The following NRF1 variants were observed in gnomAD, a reference collection of about 807,000 sequenced individuals.
NRF1 encodes alpha palindromic-binding protein.
NRF1 carries 5 observed loss-of-function variants against 58.5 expected under a neutral mutation model. That is an observed-to-expected ratio of 0.09 (90% confidence interval 0.04 to 0.18). The LOEUF is 0.18. NRF1 is among the 10% of genes least tolerant of loss of function. The pLI is 1.00. For synonymous variants in NRF1, 224 were observed against 246.7 expected, an observed-to-expected ratio of 0.91 and a Z score of 0.86; for missense variants, 288 against 657.7, an observed-to-expected ratio of 0.44 and a Z score of 6.15.
chr7:129,709,360 A>G, intron 6 of NRF1, 127 bp downstream of exon 6: 1 of 678,136 alleles, frequency 1.5e-6, no homozygotes, highest in Non-Finnish European at 2.2e-6. Context: ...CCCTCCAAAG[A>G]CTGATATTCT....
chr7:129,717,295 C>T lies in NRF1; in HGVS notation c.1142C>T (p.Ala381Val), dbSNP rs774023509. 2.5e-6 allele frequency: 4 copies of T among 1,613,840 alleles called. No individual in the cohort carries two copies. Among genetic ancestry groups the T allele is most frequent in the South Asian group, 1.1e-5 (1 of 91,052 alleles). The change falls in exon 9 of 11, where the codon GCG (alanine) becomes GTG (valine). Residue 381 changes from alanine to valine, a missense_variant. This residue lies in a region of NRF1 where 212 missense variants were observed against 559.7 expected (regional missense o/e 0.38). Coordinates refer to ENST00000393232, the MANE Select transcript of NRF1 (RefSeq NM_005011.5). ...ACGCAAGCATCAGAGGCCACCCAGG[C>T]GGTGGCATCGTTGGCAGAGGCCGCA... Reference protein sequence around the residue: ...QTTQASEATQAVASLAEAAVA... With the variant: ...QTTQASEATQVVASLAEAAVA...
At chr7:129,637,577 G>C (rs1263033429) in intron 1 of NRF1, among the ~76,000 whole-genome samples, 1 of 152,084 alleles carries the variant, frequency 6.6e-6, no homozygotes, top group East Asian at 1.9e-4. Context: ...ATTCTTAATA[G>C]TTTTAGTATA....
chr7:129,619,396 G>GTATATATATATATA (rs749333673), intron 1 of NRF1, among the ~76,000 whole-genome samples: 41 of 47,356 alleles, frequency 8.7e-4, no homozygotes, highest in Non-Finnish European at 1.1e-3. Flanking sequence ...TGGCATACGT[G>GTATATATATATATA]TATATATATA....
Position 129,740,353 on chromosome 7 carries a change from G to A in NRF1, c.1348+12988G>A, listed in dbSNP as rs1260645738. 1.9e-4 allele frequency among the ~76,000 whole-genome samples: 29 copies of A among 152,184 alleles called. 1 individual carries two copies. The highest frequency in any genetic ancestry group is 1.9e-3 in the Admixed American group (29 of 15,280). The stretch of plus-strand genomic sequence containing the variant: ...TAATGATTAATCACTCACACCGAAT[G>A]GGAAGGGAAGTAACCTTCAGAGGTT... On this transcript the variant is annotated intron_variant, in intron 10 of 10. Coordinates refer to ENST00000393232, the MANE Select transcript of NRF1 (RefSeq NM_005011.5).
chr7:129,705,353 C>T (rs564807364), intron 5 of NRF1, among the ~76,000 whole-genome samples: 5 of 152,106 alleles, frequency 3.3e-5, no homozygotes, highest in African/African-American at 9.6e-5. Context: ...TGTAGTTGAG[C>T]GATCGTAGCT....
intron 1 of NRF1, among the ~76,000 whole-genome samples, chr7:129,644,254 A>G (rs1194662847): frequency 5.9e-5 from 9 of 152,236 alleles, no homozygotes; most frequent in Non-Finnish European, 1.3e-4. Context: ...TGTTTCAGTA[A>G]AGAAACATAG....
At chr7:129,638,133 G>A (rs1801210606) in intron 1 of NRF1, among the ~76,000 whole-genome samples, 1 of 151,454 alleles carries the variant, frequency 6.6e-6, no homozygotes. Flanking sequence ...CTCTTTTTGG[G>A]GGTTGTGATA....
chr7:129,673,801 C>G (rs1035338103), intron 3 of NRF1, among the ~76,000 whole-genome samples: 1 of 151,014 alleles, frequency 6.6e-6, no homozygotes, highest in Non-Finnish European at 1.5e-5. Context: ...AACAAACCTG[C>G]ACATGTATCC....
At chr7:129,625,655 C>G (rs1325150258) in intron 1 of NRF1, among the ~76,000 whole-genome samples, 2 of 149,690 alleles carry the variant, frequency 1.3e-5, no homozygotes. Context: ...CATGTGCCAC[C>G]ATGCCCGGCT....
chr7:129,725,052 A>G (rs538563114), intron 9 of NRF1, among the ~76,000 whole-genome samples: 2 of 152,194 alleles, frequency 1.3e-5, no homozygotes, highest in Non-Finnish European at 2.9e-5. Flanking sequence ...CTCTAAAAAA[A>G]TAAAAACAAA....
At chr7:129,635,984 CTATT>C (rs1347082977) in intron 1 of NRF1, among the ~76,000 whole-genome samples, 2 of 152,046 alleles carry the variant, frequency 1.3e-5, no homozygotes, top group African/African-American at 4.8e-5. Context: ...ATTTTTCTAA[CTATT>C]CATTAATTAA....
chr7:129,744,077 G>A (rs1243953445), intron 10 of NRF1: 1 of 1,135,114 alleles, frequency 8.8e-7, no homozygotes, highest in Non-Finnish European at 1.2e-6. Context: ...CACCAGATGT[G>A]CATGGGAGGC....
chr7:129,624,331 G>T (rs535608167), intron 1 of NRF1, among the ~76,000 whole-genome samples: 3 of 152,110 alleles, frequency 2.0e-5, no homozygotes, highest in African/African-American at 7.2e-5. Context: ...TGTAAGCTTC[G>T]TGAGAGTAGA....
intron 1 of NRF1, among the ~76,000 whole-genome samples, chr7:129,647,142 A>T (rs573100625): frequency 6.2e-4 from 94 of 151,982 alleles, no homozygotes; most frequent in African/African-American, 2.2e-3. Flanking sequence ...GGTTCAAGCA[A>T]TTCTCCTGCC....
Position 129,710,440 on chromosome 7 carries a change from C to T in NRF1, c.832C>T (p.Leu278Phe). The T allele has an allele frequency of 6.2e-7, 1 of 1,614,170 alleles. No individual in the cohort carries two copies. The highest frequency in any genetic ancestry group is 8.5e-7 in the Non-Finnish European group (1 of 1,180,026). ...NCYKQHGRED[L>F]LYAFEDQQTQ... ...TTATAAACAGCATGGGCGGGAAGAC[C>T]TTTTGTATGCCTTTGAAGATCAGCA... Residue 278 changes from leucine (L) to phenylalanine (F), a missense_variant, in exon 7 of 11, where the codon CTT becomes TTT. Leu to Phe is a conservative substitution (Grantham distance 22). Transcript: ENST00000393232.
intron 9 of NRF1, among the ~76,000 whole-genome samples, chr7:129,722,284 G>C (rs756021428): frequency 6.6e-6 from 1 of 151,930 alleles, no homozygotes; most frequent in Non-Finnish European, 1.5e-5. Flanking sequence ...CCAGCTAGTC[G>C]GGAGGCTGAG....
chr7:129,641,445 A>G (rs1801287119), intron 1 of NRF1, among the ~76,000 whole-genome samples: 1 of 152,100 alleles, frequency 6.6e-6, no homozygotes, highest in Non-Finnish European at 1.5e-5. Flanking sequence ...ACCTGTACTC[A>G]ACTTGCATAT....
intron 3 of NRF1, 93 bp from the exon 4 acceptor site, chr7:129,677,539 A>G (rs1802211547): frequency 1.7e-6 from 2 of 1,163,534 alleles, no homozygotes; most frequent in South Asian, 2.8e-5. Flanking sequence ...AGCATATCTG[A>G]TCAGAATAAA....
intron 1 of NRF1, among the ~76,000 whole-genome samples, chr7:129,632,736 A>T (rs1356245111): frequency 1.3e-5 from 2 of 152,160 alleles, no homozygotes; most frequent in African/African-American, 4.8e-5. Context: ...CTTTATTGGT[A>T]CATGTAGTTA....
Sources: allele counts gnomAD v4.1 joint callset (sites outside exome capture counted in the v4.1 genomes callset), GRCh38; gene constraint gnomAD v4.1.1; regional missense constraint gnomAD v4.1.1; transcripts MANE v1.5; gene names NCBI Gene and HGNC (gene_info 2026-07-23, HGNC 2026-07-21).